Variants in DIAPH3 observed in about 807,000 individuals in gnomAD.
The protein encoded by DIAPH3 is diaphanous related formin 3, also known as protein diaphanous homolog 3.
In DIAPH3, 117 loss-of-function variants were observed where a neutral mutation model predicts 144.3. The observed-to-expected ratio is 0.81, with a 90% confidence interval of 0.70 to 0.95. DIAPH3 has a LOEUF of 0.95. DIAPH3 is among the 40% of genes least tolerant of loss of function. DIAPH3 has a pLI of 0.00. For missense variants in DIAPH3, 1,421 were observed against 1,412.7 expected (o/e 1.01, Z -0.09); for synonymous variants, 519 against 488.9 (o/e 1.06, Z -0.81).
chr13:59,753,756 C>T (rs2037128109), intron 27 of DIAPH3, among the ~76,000 whole-genome samples: 1 of 152,020 alleles, frequency 6.6e-6, no homozygotes. Context: ...AAAGTGCCAG[C>T]AATATATTAA....
At chr13:59,936,960 G>A (rs1257893062) in intron 17 of DIAPH3, among the ~76,000 whole-genome samples, 3 of 151,896 alleles carry the variant, frequency 2.0e-5, no homozygotes, top group African/African-American at 2.4e-5. Context: ...TCAGGAGATC[G>A]AGACCATCCT....
chr13:59,924,080 G>T (rs2047644428), intron 18 of DIAPH3, among the ~76,000 whole-genome samples: 1 of 152,074 alleles, frequency 6.6e-6, no homozygotes, highest in Admixed American at 6.6e-5. Context: ...TATCCCTCTT[G>T]CACCATCAGA....
intron 2 of DIAPH3, 127 bp from the exon 3 acceptor site, chr13:60,112,313 G>T: frequency 9.4e-7 from 1 of 1,066,708 alleles, no homozygotes; most frequent in Non-Finnish European, 1.4e-6. Flanking sequence ...GAGGCATTCA[G>T]CATTGGAATA....
At chr13:59,772,096 A>AT (rs1308026654) in intron 27 of DIAPH3, among the ~76,000 whole-genome samples, 3 of 152,058 alleles carry the variant, frequency 2.0e-5, no homozygotes, top group Non-Finnish European at 4.4e-5. Flanking sequence ...TTTCAATCAC[A>AT]TAGTTCAGTC....
intron 4 of DIAPH3, among the ~76,000 whole-genome samples, chr13:60,055,002 G>A (rs531919564): frequency 6.6e-6 from 1 of 151,972 alleles, no homozygotes; most frequent in African/African-American, 2.4e-5. Context: ...ATAAAGTTTA[G>A]CAAGGGATTC....
intron 24 of DIAPH3, among the ~76,000 whole-genome samples, chr13:59,824,181 C>T (rs897147268): frequency 2.0e-5 from 3 of 152,040 alleles, no homozygotes; most frequent in African/African-American, 7.2e-5. Flanking sequence ...GGATAAAATA[C>T]AGTATCAATC....
intron 7 of DIAPH3, among the ~76,000 whole-genome samples, chr13:60,015,667 G>T (rs1479818002): frequency 3.3e-5 from 5 of 151,992 alleles, no homozygotes; most frequent in Non-Finnish European, 7.4e-5. Flanking sequence ...GGGCAGGGTT[G>T]AGAGGGAGGA....
chr13:60,127,531 C>G (rs1403415045), intron 2 of DIAPH3, among the ~76,000 whole-genome samples: 1 of 152,032 alleles, frequency 6.6e-6, no homozygotes, highest in East Asian at 1.9e-4. Context: ...ATGCTGTACT[C>G]AAATGCTCAT....
At chr13:59,893,237 A>G (rs2045912146) in intron 20 of DIAPH3, among the ~76,000 whole-genome samples, 1 of 152,114 alleles carries the variant, frequency 6.6e-6, no homozygotes, top group African/African-American at 2.4e-5. Context: ...TCTACTTTAA[A>G]TGTGGCTTTC....
chr13:59,965,400 C>A (rs1225283188), intron 17 of DIAPH3, among the ~76,000 whole-genome samples: 1 of 151,956 alleles, frequency 6.6e-6, no homozygotes, highest in Non-Finnish European at 1.5e-5. Flanking sequence ...GCCCTTTAAT[C>A]CCTATTAACA....
chr13:59,841,900 G>A (rs1257518084), intron 22 of DIAPH3, among the ~76,000 whole-genome samples: 1 of 151,984 alleles, frequency 6.6e-6, no homozygotes, highest in Non-Finnish European at 1.5e-5. Context: ...GAGCTCAGTA[G>A]GTAAGTAAAA....
chr13:60,056,870 A>T (rs547377111), intron 4 of DIAPH3, among the ~76,000 whole-genome samples: 1 of 152,058 alleles, frequency 6.6e-6, no homozygotes, highest in African/African-American at 2.4e-5. Flanking sequence ...ACTAGATGGT[A>T]GTGCTAGTTG....
intron 4 of DIAPH3, among the ~76,000 whole-genome samples, chr13:60,051,305 G>A (rs1190063996): frequency 6.6e-6 from 1 of 152,082 alleles, no homozygotes; most frequent in South Asian, 2.1e-4. Flanking sequence ...ATGACGCAGG[G>A]AGGTAGGTAC....
chr13:59,865,709 T>A (rs1398955710), intron 21 of DIAPH3, among the ~76,000 whole-genome samples: 1 of 151,990 alleles, frequency 6.6e-6, no homozygotes, highest in Non-Finnish European at 1.5e-5. Context: ...CATGGCCTAG[T>A]TGTCAGTCTG....
chr13:59,702,659 C>T (rs1237890615), intron 27 of DIAPH3, among the ~76,000 whole-genome samples: 1 of 152,074 alleles, frequency 6.6e-6, no homozygotes, highest in Admixed American at 6.5e-5. Context: ...GCCTTGAGAT[C>T]CCCCTCCTTA....
chr13:60,032,872 A>T (rs537992832), intron 5 of DIAPH3, among the ~76,000 whole-genome samples: 57 of 152,324 alleles, frequency 3.7e-4, no homozygotes, highest in Admixed American at 3.3e-3. Context: ...CAAATTTTCC[A>T]AACCTTTATG....
At chr13:59,747,911 T>A (rs571686970) in intron 27 of DIAPH3, among the ~76,000 whole-genome samples, 38 of 152,344 alleles carry the variant, frequency 2.5e-4, no homozygotes, top group African/African-American at 9.1e-4. Flanking sequence ...TGATTCTAAA[T>A]GCCTGCAGGC....
intron 20 of DIAPH3, among the ~76,000 whole-genome samples, chr13:59,885,584 TC>T (rs1172976774): frequency 8.5e-5 from 13 of 152,056 alleles, no homozygotes; most frequent in Non-Finnish European, 1.8e-4. Context: ...TGATGGACTT[TC>T]CCCCCAACCC....
intron 22 of DIAPH3, among the ~76,000 whole-genome samples, chr13:59,860,563 C>A (rs1240341058): frequency 3.3e-5 from 5 of 151,874 alleles, no homozygotes; most frequent in Non-Finnish European, 5.9e-5. Flanking sequence ...ATGGTGAAAC[C>A]CCGTCTCTAC....
Sources: allele counts gnomAD v4.1 joint callset (sites outside exome capture counted in the v4.1 genomes callset), GRCh38; gene constraint gnomAD v4.1.1; transcripts MANE v1.5; gene names NCBI Gene and HGNC (gene_info 2026-07-23, HGNC 2026-07-21).